PDE1A: variants seen among roughly 807,000 people sequenced by gnomAD.
PDE1A encodes the protein phosphodiesterase 1A, also known as dual specificity calcium/calmodulin-dependent 3',5'-cyclic nucleotide phosphodiesterase 1A.
A neutral mutation model predicts 61.7 loss-of-function variants in PDE1A; 35 were observed. The ratio of observed to expected loss-of-function variants is 0.57; its 90% CI spans 0.43 to 0.75. The LOEUF (loss-of-function observed/expected upper bound fraction) is 0.75, where lower values mean the gene tolerates loss of function less well. Among genes scored for constraint, PDE1A ranks in the 30% least tolerant of loss-of-function variants. The pLI, the probability that PDE1A is intolerant of heterozygous loss-of-function variation, is 0.00. For synonymous variants in PDE1A, 232 were observed against 213.2 expected (o/e 1.09, Z -0.77); for missense variants, 597 against 630.6 (o/e 0.95, Z 0.57).
At chr2:182,714,650 T>C in the PDE1A span, among the ~76,000 whole-genome samples, 1 of 152,072 alleles carries the variant, frequency 6.6e-6, no homozygotes, top group Non-Finnish European at 1.5e-5. Flanking sequence ...CTGCAACCTC[T>C]GTCTCCCGGG....
chr2:182,399,330 C>T (rs1042463538), intron 1 of PDE1A, among the ~76,000 whole-genome samples: 4 of 151,830 alleles, frequency 2.6e-5, no homozygotes, highest in African/African-American at 7.2e-5. Context: ...AAATAGAATA[C>T]AGAACAGTTC....
the PDE1A span, among the ~76,000 whole-genome samples, chr2:182,675,023 G>A: frequency 2.6e-5 from 4 of 151,984 alleles, no homozygotes; most frequent in Admixed American, 2.6e-4. Flanking sequence ...TTGTGTCATG[G>A]GTGTTTGTTG....
At chr2:182,308,803 C>A (rs1015920704) in intron 1 of PDE1A, among the ~76,000 whole-genome samples, 1 of 151,980 alleles carries the variant, frequency 6.6e-6, no homozygotes, top group Non-Finnish European at 1.5e-5. Context: ...ATGCTTCTTT[C>A]CTTATAAAGT....
At chr2:182,346,307 G>C (rs1237883000) in intron 1 of PDE1A, among the ~76,000 whole-genome samples, 1 of 152,006 alleles carries the variant, frequency 6.6e-6, no homozygotes, top group Non-Finnish European at 1.5e-5. Context: ...AATTGCAAAA[G>C]GAAAACTCAA....
At chr2:182,427,790 A>G (rs978152069), upstream of PDE1A, among the ~76,000 whole-genome samples, 1 of 152,210 alleles carries the variant, frequency 6.6e-6, no homozygotes, top group African/African-American at 2.4e-5. Context: ...TCACTAACAA[A>G]GTTCCTATTC....
intron 13 of PDE1A, among the ~76,000 whole-genome samples, chr2:182,160,788 T>C (rs1328110697): frequency 1.3e-5 from 2 of 152,188 alleles, no homozygotes; most frequent in South Asian, 2.1e-4. Context: ...CCCTTTCATG[T>C]ATATTCTATT....
the PDE1A span, among the ~76,000 whole-genome samples, chr2:182,530,874 G>C: frequency 6.9e-6 from 1 of 144,228 alleles, no homozygotes; most frequent in Non-Finnish European, 1.5e-5. Flanking sequence ...AAATATCATA[G>C]CCTTTCTTCA....
In PDE1A at chr2:182,228,565, T is replaced by C. The variant is rs1689318619; in HGVS notation, c.675+1441A>G. Among the ~76,000 whole-genome samples the C allele has an allele frequency of 2.0e-5, 3 of 152,190 alleles. No individual in the cohort carries two copies. The South Asian group carries it at 6.2e-4, about 32-fold the overall frequency. Reference sequence around the variant, plus strand: ...GTTTCAAAGAACCAACACATTCATATACATGAAATTTAATAGTCACCTATC... The same window carrying C: ...GTTTCAAAGAACCAACACATTCATACACATGAAATTTAATAGTCACCTATC... On this transcript the variant is annotated intron_variant, in intron 6 of 13. Coordinates refer to ENST00000351439, the Ensembl canonical transcript of PDE1A.
chr2:182,479,298 C>T (rs1687561718), intron 2 of PDE1A, among the ~76,000 whole-genome samples: 1 of 151,900 alleles, frequency 6.6e-6, no homozygotes, highest in African/African-American at 2.4e-5. Flanking sequence ...ATTACATTTA[C>T]TCCCACTCAA....
At chr2:182,675,676 G>A in the PDE1A span, among the ~76,000 whole-genome samples, 1 of 152,116 alleles carries the variant, frequency 6.6e-6, no homozygotes, top group Non-Finnish European at 1.5e-5. Context: ...GTATCTCATT[G>A]TAGTTTTGAT....
At chr2:182,280,517 A>T (rs1367679952) in intron 1 of PDE1A, among the ~76,000 whole-genome samples, 3 of 151,782 alleles carry the variant, frequency 2.0e-5, no homozygotes, top group Non-Finnish European at 2.9e-5. Context: ...CTTTCTTCCC[A>T]CTTGATTGAT....
At chr2:182,366,776 C>T (rs988031884) in intron 1 of PDE1A, among the ~76,000 whole-genome samples, 1 of 151,972 alleles carries the variant, frequency 6.6e-6, no homozygotes, top group African/African-American at 2.4e-5. Flanking sequence ...TGCTAATGTT[C>T]TTCAGTCCAT....
At chr2:182,567,062 A>T in the PDE1A span, among the ~76,000 whole-genome samples, 4 of 152,234 alleles carry the variant, frequency 2.6e-5, no homozygotes, top group Non-Finnish European at 5.9e-5. Context: ...ATTTATTAGT[A>T]ATTAGTTATA....
At chr2:182,438,431 A>G (rs1684581976) in intron 2 of PDE1A, among the ~76,000 whole-genome samples, 1 of 152,012 alleles carries the variant, frequency 6.6e-6, no homozygotes. Flanking sequence ...ATCTTGAAAT[A>G]TATTCTATTT....
At chr2:182,194,881 T>TCACACACACACA (rs55809632) in intron 10 of PDE1A, among the ~76,000 whole-genome samples, 5 of 144,832 alleles carry the variant, frequency 3.5e-5, no homozygotes, top group African/African-American at 1.3e-4. Flanking sequence ...TCTGAAATAT[T>TCACACACACACA]CACACACACA....
chr2:182,351,306 C>T (rs887060453), intron 1 of PDE1A, among the ~76,000 whole-genome samples: 1 of 152,102 alleles, frequency 6.6e-6, no homozygotes, highest in African/African-American at 2.4e-5. Flanking sequence ...TGGATAAATG[C>T]TTACACCTTC....
chr2:182,569,438 G>A, the PDE1A span, among the ~76,000 whole-genome samples: 8 of 152,022 alleles, frequency 5.3e-5, no homozygotes, highest in Non-Finnish European at 8.8e-5. Context: ...CCAGCATTCT[G>A]CTCCATCATT....
rs1002332118 is a variant in PDE1A at position 182,437,809 on chromosome 2, C to A, written c.101+84467G>T. Among the ~76,000 whole-genome samples the A allele has an allele frequency of 2.6e-5, 4 of 151,918 alleles. No individual in the cohort carries two copies. The East Asian group carries it at 5.8e-4, about 22-fold the overall frequency. On this transcript the variant is annotated intron_variant, in intron 2 of 14. Transcript: ENST00000410103. ...TTTATATTTTTATCTTCACTCTTTTCTTTTGCTCTGTTTCATAAATAATTT... is the reference window on the plus strand; with the variant it reads ...TTTATATTTTTATCTTCACTCTTTTATTTTGCTCTGTTTCATAAATAATTT...
At chr2:182,537,154 G>T in the PDE1A span, among the ~76,000 whole-genome samples, 1 of 152,206 alleles carries the variant, frequency 6.6e-6, no homozygotes, top group Non-Finnish European at 1.5e-5. Flanking sequence ...TGGTGTAACT[G>T]CTTACATAGC....
Sources: gnomAD v4.1 joint callset for allele counts (sites outside exome capture counted in the v4.1 genomes callset) on GRCh38, gnomAD v4.1.1 for gene constraint, MANE v1.5 for transcripts, NCBI Gene and HGNC (gene_info 2026-07-23, HGNC 2026-07-21) for gene names.